IQCE: variants seen among roughly 807,000 people sequenced by gnomAD.
IQCE encodes IQ motif containing E.
A neutral mutation model predicts 96.0 loss-of-function variants in IQCE; 115 were observed. That is an observed-to-expected ratio of 1.20 (90% CI 1.03 to 1.40). The LOEUF (loss-of-function observed/expected upper bound fraction) is 1.40. Among genes scored for constraint, IQCE ranks in the 40% most tolerant of loss-of-function variants. The pLI is 0.00. For missense variants in IQCE, 1,041 were observed against 909.1 expected, an observed-to-expected ratio of 1.15 and a Z score of -1.87; for synonymous variants, 412 against 371.2, an observed-to-expected ratio of 1.11 and a Z score of -1.26.
In IQCE at chr7:2,614,549, C is replaced by G. The variant is rs1010753061; in HGVS notation, c.*4387C>G. ...TCTGGAAGCTGAAATGTGAAACTGT[C>G]AAGATGGCTTAGGAGAGGAAGGAGT... is the stretch of plus-strand genomic sequence containing the variant. On this transcript the variant is annotated 3_prime_UTR_variant, in exon 22 of 22. Transcript: ENST00000402050. 1.3e-5 allele frequency: 2 copies of G among 152,220 alleles called. No individual in the cohort carries two copies. The highest frequency in any genetic ancestry group is 2.9e-5 in the Non-Finnish European group (2 of 68,050). The allele number at this position is 152,220 out of a possible 1,614,324, so 9.4% of individuals were successfully genotyped here. A position where few individuals can be genotyped will look rare whatever the true frequency, so the allele number is the denominator to read the frequency against.
chr7:2,585,533 G>A (rs1385834460), intron 11 of IQCE, among the ~76,000 whole-genome samples: 3 of 152,206 alleles, frequency 2.0e-5, no homozygotes, highest in Non-Finnish European at 2.9e-5. Flanking sequence ...GGCACTGGAC[G>A]GCACTCAGCA....
At chr7:2,597,511 C>T (rs561156545) in intron 16 of IQCE, among the ~76,000 whole-genome samples, 26 of 152,370 alleles carry the variant, frequency 1.7e-4, no homozygotes, top group African/African-American at 5.3e-4. Flanking sequence ...GCCCGGTGTG[C>T]ACTGGGAGCA....
In IQCE at chr7:2,578,296, C is replaced by A; in HGVS notation, c.520C>A (p.Leu174Met). 1 of 1,614,010 alleles carries A rather than the reference C, an allele frequency of 6.2e-7. No individual in the cohort carries two copies. Among genetic ancestry groups the A allele is most frequent in the Non-Finnish European group, 8.5e-7 (1 of 1,179,982 alleles). ...CCTGATGAGAACGAAGCTCCGGCGC[C>A]TGGAGGAGGAAAACAGCAGGAAGGA... is the stretch of plus-strand genomic sequence containing the variant. Reference protein sequence around the residue: ...VDLMRTKLRRLEEENSRKDRQ... With the variant: ...VDLMRTKLRRMEEENSRKDRQ... The change falls in exon 7 of 22, where the codon CTG (leucine) becomes ATG (methionine). Residue 174 changes from leucine (L) to methionine (M), a missense_variant. Leu to Met is a conservative substitution (Grantham distance 15). Coordinates refer to ENST00000402050, the MANE Select transcript of IQCE (RefSeq NM_152558.5).
intron 11 of IQCE, 49 bp from the exon 12 acceptor site, chr7:2,586,159 G>T: frequency 6.4e-7 from 1 of 1,558,158 alleles, no homozygotes; most frequent in South Asian, 1.2e-5. Flanking sequence ...AAGCATGTGT[G>T]AAACCAGCTT....
At chr7:2,589,363 A>G (rs899450657) in intron 13 of IQCE, among the ~76,000 whole-genome samples, 2 of 152,136 alleles carry the variant, frequency 1.3e-5, no homozygotes, top group Admixed American at 1.3e-4. Context: ...CCGTCTCAAA[A>G]AAAAAGAAGA....
rs1208469775 is a variant in IQCE, at chr7:2,611,984, T to C, written c.*1822T>C. On this transcript the variant is annotated 3_prime_UTR_variant, in exon 22 of 22. Coordinates refer to ENST00000402050, the MANE Select transcript of IQCE (RefSeq NM_152558.5). ...CATCCCTGCTTGCCAGCTCAAAGCT[T>C]CAGGTCCTAGGAGCCAGTCCACCTC... The C allele has an allele frequency of 6.6e-6, 1 of 152,072 alleles. No individual in the cohort carries two copies. Among genetic ancestry groups the C allele is most frequent in the South Asian group, 2.1e-4 (1 of 4,820 alleles). The allele number at this position is 152,072 out of a possible 1,614,324, so 9.4% of individuals were successfully genotyped here. A position where few individuals can be genotyped will look rare whatever the true frequency, so the allele number is the denominator to read the frequency against.
chr7:2,587,786 C>A (rs762942789), intron 12 of IQCE, 36 bp from the exon 13 acceptor site: 2 of 1,610,448 alleles, frequency 1.2e-6, no homozygotes, highest in South Asian at 2.2e-5. Flanking sequence ...CAGTGCCCAC[C>A]AGGATGCCGT....
rs555990190 is a variant in IQCE, at chr7:2,578,282, C to T, written c.506C>T (p.Thr169Met). ...VQKSDVDLMR[T>M]KLRRLEEENS... is the part of the protein sequence containing the mutation. ...AAGAGCGACGTGGACCTGATGAGAA[C>T]GAAGCTCCGGCGCCTGGAGGAGGAA... The change falls in exon 7 of 22, where the codon ACG becomes ATG. Residue 169 changes from threonine (T) to methionine (M), a missense_variant. By Grantham distance (81) the Thr-to-Met change is moderately conservative. Coordinates refer to ENST00000402050, the MANE Select transcript of IQCE (RefSeq NM_152558.5). 7.4e-5 allele frequency: 120 copies of T among 1,613,864 alleles called. No homozygotes were observed. In the South Asian group the frequency reaches 7.5e-4, roughly 10 times the overall value.
chr7:2,563,376 TGTG>T (rs1216861794), intron 1 of IQCE, among the ~76,000 whole-genome samples: 4 of 23,504 alleles, frequency 1.7e-4, no homozygotes, highest in South Asian at 1.2e-3. Flanking sequence ...AATTTTTTGT[TGTG>T]TGTGTGTGTG....
chr7:2,559,542 C>G, intron 1 of IQCE: 1 of 182,866 alleles, frequency 5.5e-6, no homozygotes, highest in Non-Finnish European at 1.1e-5. Flanking sequence ...CGGGCACCCC[C>G]GATCTAAGGC....
rs1785107656 is a variant in IQCE at position 2,611,599 on chromosome 7, G to C, written c.*1437G>C. The C allele has an allele frequency of 6.6e-6, 1 of 152,214 alleles. No individual in the cohort carries two copies. 9.4% of individuals were successfully genotyped at this position (152,214 alleles called of 1,614,324 possible). A position where few individuals can be genotyped will look rare whatever the true frequency, so the allele number is the denominator to read the frequency against. ...AGTGGCTTGTGAAAGGGAGAGAGGA[G>C]GCTCTGCATGTCCACCTGCTCTATG... is the stretch of plus-strand genomic sequence containing the variant. On this transcript the variant is annotated 3_prime_UTR_variant, in exon 22 of 22. Coordinates refer to ENST00000402050, the MANE Select transcript of IQCE (RefSeq NM_152558.5).
At chr7:2,567,025 C>T in intron 1 of IQCE, 91 bp from the exon 2 acceptor site, 1 of 1,028,008 alleles carries the variant, frequency 9.7e-7, no homozygotes, top group Non-Finnish European at 1.5e-6. Flanking sequence ...GTTTCAGCAG[C>T]TGTGGACGGG....
intron 7 of IQCE, 44 bp downstream of exon 7, chr7:2,578,399 C>A (rs1004351297): frequency 6.2e-7 from 1 of 1,610,176 alleles, no homozygotes; most frequent in East Asian, 2.2e-5. Context: ...GGAGGGTCCT[C>A]GGGGCAGCAT....
At chr7:2,596,864 G>A in intron 16 of IQCE, 1 of 426,286 alleles carries the variant, frequency 2.3e-6, no homozygotes, top group African/African-American at 2.0e-5. Context: ...GAAGCCAAGG[G>A]CCGGAATGCT....
intron 8 of IQCE, among the ~76,000 whole-genome samples, chr7:2,579,514 G>A (rs1270806907): frequency 1.3e-5 from 2 of 152,110 alleles, no homozygotes; most frequent in Admixed American, 6.6e-5. Context: ...AAAGAAAAAA[G>A]GCCGTGTCCT....
intron 1 of IQCE, among the ~76,000 whole-genome samples, chr7:2,564,352 T>C (rs1781203015): frequency 6.6e-6 from 1 of 152,132 alleles, no homozygotes; most frequent in South Asian, 2.1e-4. Context: ...CCCAGCACTT[T>C]GGGAGGCTGA....
At chr7:2,570,428 C>T (rs1055203227) in intron 3 of IQCE, among the ~76,000 whole-genome samples, 4 of 151,502 alleles carry the variant, frequency 2.6e-5, no homozygotes, top group Admixed American at 2.6e-4. Flanking sequence ...CAACTTAAAT[C>T]TTTACGTTTT....
chr7:2,576,871 G>A (rs2128442485), intron 6 of IQCE, among the ~76,000 whole-genome samples: 1 of 152,302 alleles, frequency 6.6e-6, no homozygotes, highest in East Asian at 1.9e-4. Context: ...CGAACAAAAC[G>A]GACTTTCTTG....
Position 2,589,869 on chromosome 7 carries a change from G to A in IQCE, c.1045-38G>A, listed in dbSNP as rs765954943. The A allele has an allele frequency of 2.5e-6, 4 of 1,584,784 alleles. No individual in the cohort carries two copies. In the South Asian group the frequency reaches 4.4e-5, roughly 18 times the overall value. ...GGTTTGGTAAATAGAAAGTAGAAAT[G>A]AGAACTAGTATCTAACACATGTCTG... On this transcript the variant is annotated intron_variant, in intron 13 of 21. Coordinates refer to ENST00000402050, the MANE Select transcript of IQCE (RefSeq NM_152558.5).
Sources: allele counts gnomAD v4.1 joint callset (sites outside exome capture counted in the v4.1 genomes callset), GRCh38; gene constraint gnomAD v4.1.1; transcripts MANE v1.5; gene names NCBI Gene and HGNC (gene_info 2026-07-23, HGNC 2026-07-21).